SAMSN1: variants seen among roughly 807,000 people sequenced by gnomAD.
SAMSN1 encodes the protein SAM domain-containing protein SAMSN-1.
SAMSN1 carries 31 observed loss-of-function variants against 42.0 expected under a neutral mutation model. The ratio of observed to expected loss-of-function variants is 0.74; its 90% CI spans 0.55 to 1.00. The LOEUF is 1.00. SAMSN1 is among the 50% of genes least tolerant of loss of function. SAMSN1 has a pLI of 0.00. For synonymous variants in SAMSN1, 178 were observed against 151.9 expected, an observed-to-expected ratio of 1.17 and a Z score of -1.26; for missense variants, 464 against 439.4, an observed-to-expected ratio of 1.06 and a Z score of -0.50.
chr21:14,486,159 AATCTT>A (rs1343742375), intron 7 of SAMSN1, 45 bp from the exon 8 acceptor site: 1 of 1,328,426 alleles, frequency 7.5e-7, no homozygotes, highest in African/African-American at 1.4e-5. Flanking sequence ...AGCAACACAA[AATCTT>A]ATTCATGTAC....
intron 2 of SAMSN1, among the ~76,000 whole-genome samples, chr21:14,619,972 G>A (rs2123340603): frequency 6.7e-6 from 1 of 149,254 alleles, no homozygotes; most frequent in East Asian, 1.9e-4. Context: ...GAGGAGAAGG[G>A]GAGAGTAATT....
At chr21:14,502,585 G>A (rs1053116278) in intron 5 of SAMSN1, among the ~76,000 whole-genome samples, 1 of 152,098 alleles carries the variant, frequency 6.6e-6, no homozygotes, top group African/African-American at 2.4e-5. Context: ...CTCACCTCAG[G>A]CAGCAGCAGC....
intron 1 of SAMSN1, among the ~76,000 whole-genome samples, chr21:14,526,690 A>G (rs1014281034): frequency 2.4e-4 from 37 of 152,152 alleles, no homozygotes; most frequent in Non-Finnish European, 4.4e-4. Flanking sequence ...ACTCTCCCCT[A>G]TGCCATTCCA....
intron 2 of SAMSN1, among the ~76,000 whole-genome samples, chr21:14,561,994 G>T (rs1489725563): frequency 6.6e-6 from 1 of 152,232 alleles, no homozygotes; most frequent in Non-Finnish European, 1.5e-5. Flanking sequence ...TGGACTTTTA[G>T]CCTCCAGAAC....
chr21:14,515,203 G>A (rs1987857061), intron 3 of SAMSN1, among the ~76,000 whole-genome samples: 1 of 152,192 alleles, frequency 6.6e-6, no homozygotes, highest in South Asian at 2.1e-4. Context: ...GACGGCGACA[G>A]CTATTTTAAT....
rs566957964 is a variant in SAMSN1, at chr21:14,620,900, T to G, written c.157-4884A>C. Among the ~76,000 whole-genome samples the G allele has an allele frequency of 6.6e-5, 10 of 152,338 alleles. No individual in the cohort carries two copies. In the South Asian group the frequency reaches 2.1e-3, roughly 32 times the overall value. ...ACACACATATAAATTCCTATTAAAA[T>G]AAGCTAATTCAATTTCTATTTTGTT... is the stretch of plus-strand genomic sequence containing the variant. On this transcript the variant is annotated intron_variant, in intron 2 of 15. Transcript: ENST00000647101.
At chr21:14,492,605 T>C (rs1169160681) in intron 7 of SAMSN1, among the ~76,000 whole-genome samples, 4 of 152,226 alleles carry the variant, frequency 2.6e-5, no homozygotes, top group Non-Finnish European at 4.4e-5. Flanking sequence ...GTGCTCTATA[T>C]ATACGGCCAT....
chr21:14,511,958 G>A (rs183686737), intron 4 of SAMSN1, among the ~76,000 whole-genome samples: 1 of 152,188 alleles, frequency 6.6e-6, no homozygotes, highest in Non-Finnish European at 1.5e-5. Context: ...TGATGCAAAT[G>A]TGCTACATTT....
chr21:14,518,346 C>G (rs899422349), intron 2 of SAMSN1, among the ~76,000 whole-genome samples: 15 of 152,190 alleles, frequency 9.9e-5, no homozygotes, highest in African/African-American at 2.9e-4. Flanking sequence ...AGACTTGAGA[C>G]TTTGTCTGTT....
At chr21:14,495,444 T>A (rs1986879372) in intron 7 of SAMSN1, among the ~76,000 whole-genome samples, 1 of 152,204 alleles carries the variant, frequency 6.6e-6, no homozygotes, top group Non-Finnish European at 1.5e-5. Context: ...GCAATATGCA[T>A]CTTTTTGACA....
intron 6 of SAMSN1, among the ~76,000 whole-genome samples, chr21:14,597,729 C>T (rs749193482): frequency 9.2e-5 from 14 of 152,094 alleles, no homozygotes; most frequent in Non-Finnish European, 1.5e-4. Context: ...ACCCGGGTGC[C>T]GCTTCTCAAG....
intron 1 of SAMSN1, among the ~76,000 whole-genome samples, chr21:14,651,980 T>C (rs76407670): frequency 0.014 from 2,097 of 152,084 alleles, 37 homozygotes; most frequent in African/African-American, 0.047. Flanking sequence ...AGCTATAAGA[T>C]ATTGCTGAAA....
At chr21:14,561,432 T>C (rs2123198768) in intron 2 of SAMSN1, among the ~76,000 whole-genome samples, 1 of 152,306 alleles carries the variant, frequency 6.6e-6, no homozygotes, top group South Asian at 2.1e-4. Context: ...TTATGCTGTT[T>C]GCGTAGTTGG....
In SAMSN1 at chr21:14,577,271, TATATATATA is replaced by T. The variant is rs1568816161; in HGVS notation, c.261+4856_261+4864del. ...ATATATATATATATATATATATATA[TATATATATA>T]TATATTTTTTTTTTAGAAGAGACAG... On this transcript the variant is annotated intron_variant, in intron 2 of 8. Coordinates refer to the SAMSN1 transcript ENST00000285670. Among the ~76,000 whole-genome samples, 445 of 52,944 alleles carry T rather than the reference TATATATATA, an allele frequency of 8.4e-3. 31 individuals are homozygous for T. Among genetic ancestry groups the T allele is most frequent in the East Asian group, 0.018 (44 of 2,506 alleles). 34.7% of individuals were successfully genotyped at this position (52,944 alleles called of 152,430 possible). A position where few individuals can be genotyped will look rare whatever the true frequency, so the allele number is the denominator to read the frequency against.
chr21:14,577,236 G>GTA (rs1472311400), intron 2 of SAMSN1, among the ~76,000 whole-genome samples: 422 of 30,820 alleles, frequency 0.014, 27 homozygotes, highest in East Asian at 0.065. Context: ...ATATATATGT[G>GTA]TGTATATATA....
intron 2 of SAMSN1, among the ~76,000 whole-genome samples, chr21:14,624,442 G>C (rs1316240939): frequency 6.6e-6 from 1 of 152,030 alleles, no homozygotes; most frequent in African/African-American, 2.4e-5. Context: ...TGATAAAGGG[G>C]ATATCATCAC....
intron 5 of SAMSN1, among the ~76,000 whole-genome samples, chr21:14,502,432 C>T (rs953485548): frequency 6.6e-6 from 1 of 152,050 alleles, no homozygotes; most frequent in Non-Finnish European, 1.5e-5. Flanking sequence ...AGGTATATAC[C>T]TGTGCATTCC....
chr21:14,502,569 C>G, intron 5 of SAMSN1, among the ~76,000 whole-genome samples: 1 of 152,156 alleles, frequency 6.6e-6, no homozygotes, highest in African/African-American at 2.4e-5. Context: ...AAGAGCTCCA[C>G]AAAAACTCAC....
At chr21:14,602,573 T>C (rs985845300) in intron 5 of SAMSN1, among the ~76,000 whole-genome samples, 7 of 152,240 alleles carry the variant, frequency 4.6e-5, no homozygotes, top group African/African-American at 1.7e-4. Flanking sequence ...AGCTTTGCAA[T>C]GTAGCATCCA....
Sources: allele counts gnomAD v4.1 joint callset (sites outside exome capture counted in the v4.1 genomes callset), GRCh38; gene constraint gnomAD v4.1.1; transcripts MANE v1.5; gene names NCBI Gene and HGNC (gene_info 2026-07-23, HGNC 2026-07-21).